Variants in MTM1 observed in about 807,000 individuals in gnomAD.
The protein encoded by MTM1 is myotubularin.
A neutral mutation model predicts 52.1 loss-of-function variants in MTM1; 9 were observed. The ratio of observed to expected loss-of-function variants is 0.17; its 90% CI spans 0.10 to 0.30. The LOEUF is 0.30. MTM1 is among the 10% of genes least tolerant of loss of function. MTM1 has a pLI of 1.00. For synonymous variants in MTM1, 136 were observed against 163.8 expected (o/e 0.83, Z 1.29); for missense variants, 277 against 470.7 (o/e 0.59, Z 3.81).
chrX:150,569,307 G>A (rs933519387), intron 1 of MTM1, among the ~76,000 whole-genome samples: 31 of 113,564 alleles, frequency 2.7e-4, no homozygotes, highest in African/African-American at 9.9e-4. Flanking sequence ...CCCGTGGCCG[G>A]GTTGCCTCCC....
In MTM1 at chrX:150,659,732, T is replaced by C; in HGVS notation, c.1329T>C (p.Asp443=). 2.5e-6 allele frequency: 3 copies of C among 1,208,958 alleles called. No individual in the cohort carries two copies. Among genetic ancestry groups the C allele is most frequent in the Non-Finnish European group, 3.4e-6 (3 of 892,822 alleles). Residue 443 remains aspartate (D), a synonymous_variant, in exon 12 of 15, where the codon GAT becomes GAC. Transcript: ENST00000370396. ...CTCCTATTTTTCTCCAGTTTATTGA[T>C]TGTGTGTGGCAAATGTCAAAACAGG... ...DRSPIFLQFI[D]CVWQMSKQFP...
chrX:150,661,340 A>G (rs1397252870), intron 13 of MTM1, among the ~76,000 whole-genome samples: 3 of 111,928 alleles, frequency 2.7e-5, no homozygotes, highest in African/African-American at 9.8e-5. Flanking sequence ...TCAGATTTCA[A>G]CATGAGGTTT....
At chrX:150,653,740 G>A (rs782045205) in intron 10 of MTM1, among the ~76,000 whole-genome samples, 3 of 112,149 alleles carry the variant, frequency 2.7e-5, no homozygotes, top group Non-Finnish European at 5.6e-5. Context: ...CCAGCAGGGT[G>A]GAAGAAGGAC....
intron 6 of MTM1, among the ~76,000 whole-genome samples, chrX:150,623,968 C>A (rs1005882587): frequency 9.0e-6 from 1 of 111,617 alleles, no homozygotes; most frequent in Admixed American, 9.5e-5. Context: ...GTCTGGAGGC[C>A]AAGCAAGCTG....
At chrX:150,658,964 C>G in intron 11 of MTM1, among the ~76,000 whole-genome samples, 1 of 112,273 alleles carries the variant, frequency 8.9e-6, no homozygotes, top group Non-Finnish European at 1.9e-5. Context: ...AGCGATTCTT[C>G]TGCCTCAGCC....
At chrX:150,585,860 T>C (rs1015888603) in intron 1 of MTM1, among the ~76,000 whole-genome samples, 1 of 112,118 alleles carries the variant, frequency 8.9e-6, no homozygotes, top group African/African-American at 3.2e-5. Context: ...ATGAATAATT[T>C]CTAAAGTTAC....
chrX:150,662,826 C>T (rs1331166888), intron 13 of MTM1, among the ~76,000 whole-genome samples: 1 of 108,643 alleles, frequency 9.2e-6, no homozygotes, highest in African/African-American at 3.4e-5. Context: ...ATTTTGTAAA[C>T]GCCTGCAATA....
rs781883906 is a variant in MTM1, at chrX:150,660,351, G to C, written c.1354-20G>C. 1.0e-6 allele frequency: 1 copy of C among 998,723 alleles called. No individual in the cohort carries two copies. The highest frequency in any genetic ancestry group is 1.4e-6 in the Non-Finnish European group (1 of 703,098). The allele number at this position is 998,723 out of a possible 1,213,427, so 82.3% of individuals were successfully genotyped here. ...TTTCAGTCCCAGTTTTTCATGCTTT[G>C]TTTGCTTGTTTTTGTTTAGTTCCCT... is the stretch of plus-strand genomic sequence containing the variant. On this transcript the variant is annotated intron_variant, in intron 12 of 14. Transcript: ENST00000370396.
At chrX:150,610,081 G>C (rs1301739619) in intron 4 of MTM1, among the ~76,000 whole-genome samples, 4 of 111,652 alleles carry the variant, frequency 3.6e-5, no homozygotes, top group African/African-American at 1.3e-4. Context: ...ACTCTTACTT[G>C]CTTCTCAAAT....
chrX:150,578,875 G>C (rs1603093624), intron 1 of MTM1, among the ~76,000 whole-genome samples: 1 of 105,421 alleles, frequency 9.5e-6, no homozygotes, highest in Non-Finnish European at 1.9e-5. Flanking sequence ...TTGGTCGCTT[G>C]CCTTTCCATA....
intron 10 of MTM1, among the ~76,000 whole-genome samples, chrX:150,653,421 A>G (rs1173161002): frequency 4.5e-5 from 5 of 111,991 alleles, no homozygotes; most frequent in Non-Finnish European, 9.4e-5. Context: ...GCCCACCTGG[A>G]TAATCCGGAA....
chrX:150,643,036 A>G (rs1245426706), intron 8 of MTM1, among the ~76,000 whole-genome samples: 3 of 111,787 alleles, frequency 2.7e-5, no homozygotes, highest in African/African-American at 9.7e-5. Flanking sequence ...TCACCTCTAC[A>G]TATTTATAGA....
upstream of MTM1, among the ~76,000 whole-genome samples, chrX:150,565,226 C>CGACCCT (rs1389982089): frequency 9.0e-6 from 1 of 111,370 alleles, no homozygotes; most frequent in Non-Finnish European, 1.9e-5. Flanking sequence ...GGGGACACAA[C>CGACCCT]GACCCTGGGA....
rs1300246672 is a variant in MTM1 at position 150,583,166 on chromosome X, TTATATAAATTATAAATA to T, written c.-10-9425_-10-9409del. ...TATAAATATATATAAATTATATATA[TTATATAAATTATAAATA>T]TATATAAATTATATATAAATTATAA... On this transcript the variant is annotated intron_variant, in intron 1 of 14. Transcript: ENST00000370396. Among the ~76,000 whole-genome samples the T allele has an allele frequency of 6.7e-5, 5 of 74,939 alleles. No individual in the cohort carries two copies. In the South Asian group the frequency reaches 2.6e-3, roughly 39 times the overall value. 65.1% of individuals were successfully genotyped at this position (74,939 alleles called of 115,157 possible). A position where few individuals can be genotyped will look rare whatever the true frequency, so the allele number is the denominator to read the frequency against.
rs188176575 is a variant in MTM1 at position 150,582,278 on chromosome X, T to A, written c.-10-10327T>A. On this transcript the variant is annotated intron_variant, in intron 1 of 14. Coordinates refer to ENST00000370396, the MANE Select transcript of MTM1 (RefSeq NM_000252.3). ...TGGCTTGTTGTCATTTCATTATTTC[T>A]TCTAAAAAACCATATTATTATTTCA... 8.9e-5 allele frequency among the ~76,000 whole-genome samples: 10 copies of A among 112,078 alleles called. No homozygotes were observed. The Admixed American group carries it at 9.5e-4, about 11-fold the overall frequency.
chrX:150,655,871 G>A (rs1383539712), intron 10 of MTM1, among the ~76,000 whole-genome samples: 1 of 111,533 alleles, frequency 9.0e-6, no homozygotes, highest in Non-Finnish European at 1.9e-5. Flanking sequence ...CTCAGGATGG[G>A]TATATTCCAT....
intron 6 of MTM1, among the ~76,000 whole-genome samples, chrX:150,632,706 T>C (rs1161256526): frequency 9.0e-6 from 1 of 110,889 alleles, no homozygotes; most frequent in Non-Finnish European, 1.9e-5. Context: ...ATTCAGATGG[T>C]AAAATCAGTA....
At chrX:150,599,392 C>T (rs782504849) in intron 4 of MTM1, among the ~76,000 whole-genome samples, 1 of 111,834 alleles carries the variant, frequency 8.9e-6, no homozygotes, top group Admixed American at 9.5e-5. Flanking sequence ...GAAGGACTTC[C>T]AGTGGATGTG....
At chrX:150,658,668 C>G (rs1281900291) in intron 11 of MTM1, among the ~76,000 whole-genome samples, 1 of 111,172 alleles carries the variant, frequency 9.0e-6, no homozygotes, top group Non-Finnish European at 1.9e-5. Flanking sequence ...ATTCCTAGGT[C>G]TTATTTCCAG....
Sources: gnomAD v4.1 joint callset for allele counts (sites outside exome capture counted in the v4.1 genomes callset) on GRCh38, gnomAD v4.1.1 for gene constraint, MANE v1.5 for transcripts, NCBI Gene and HGNC (gene_info 2026-07-23, HGNC 2026-07-21) for gene names.